The following SREBF2 variants were observed in gnomAD, a reference collection of about 807,000 sequenced individuals.
The protein encoded by SREBF2 is sterol regulatory element-binding protein 2.
A neutral mutation model predicts 113.1 loss-of-function variants in SREBF2; 55 were observed. The observed-to-expected ratio is 0.49, with a 90% CI of 0.39 to 0.61. SREBF2 has a LOEUF of 0.61. Among genes scored for constraint, SREBF2 ranks in the 20% least tolerant of loss-of-function variants. SREBF2 has a pLI of 0.00. For synonymous variants in SREBF2, 593 were observed against 605.7 expected, an observed-to-expected ratio of 0.98 and a Z score of 0.31; for missense variants, 1,349 against 1,487.4, an observed-to-expected ratio of 0.91 and a Z score of 1.53.
Position 41,867,316 on chromosome 22 carries a change from T to C in SREBF2, c.538+36T>C, listed in dbSNP as rs377586521. 3.7e-6 allele frequency: 6 copies of C among 1,609,348 alleles called. 1 individual carries two copies. Among genetic ancestry groups the C allele is most frequent in the Admixed American group, 1.7e-5 (1 of 60,000 alleles). On this transcript the variant is annotated intron_variant, in intron 2 of 18. Transcript: ENST00000361204. ...AGTTAGAATGGTAGTGGTTGGTTGG[T>C]TCCAATGTTTATGTGCCAGTTTGCA...
At chr22:41,840,631 G>T (rs924311372) in intron 1 of SREBF2, among the ~76,000 whole-genome samples, 1 of 152,178 alleles carries the variant, frequency 6.6e-6, no homozygotes, top group Non-Finnish European at 1.5e-5. Context: ...TTTTATGTCA[G>T]AATTTTGAAG....
intron 7 of SREBF2, 95 bp downstream of exon 7, chr22:41,875,819 T>C: frequency 7.3e-6 from 10 of 1,367,734 alleles, no homozygotes; most frequent in Non-Finnish European, 4.2e-6. Context: ...AGGCCGCATG[T>C]TAAGAGGGCC....
intron 3 of SREBF2, among the ~76,000 whole-genome samples, chr22:41,870,038 T>C (rs2077125314): frequency 6.6e-6 from 1 of 152,042 alleles, no homozygotes; most frequent in African/African-American, 2.4e-5. Flanking sequence ...GTATTTTTAG[T>C]AGAGACAGGG....
At chr22:41,900,031 G>A (rs576336922) in intron 15 of SREBF2, 1 of 1,324,268 alleles carries the variant, frequency 7.6e-7, no homozygotes, top group South Asian at 1.5e-5. Flanking sequence ...TAAGGAAACT[G>A]AGGCACACGT....
rs1308529611 is a variant in SREBF2 at position 41,870,956 on chromosome 22, G to C, written c.788G>C (p.Ser263Thr). Reference protein sequence around the residue: ...LVLTTLKTDGSPVMAAVQNPA... With the variant: ...LVLTTLKTDGTPVMAAVQNPA... ...TTGACCACACTGAAGACAGATGGCA[G>C]CCCTGTTATGGCTGCGGTCCAGAAC... The change falls in exon 4 of 19, where the codon AGC (serine) becomes ACC (threonine). Residue 263 changes from serine (S) to threonine (T), a missense_variant. Ser to Thr is a moderately conservative substitution (Grantham distance 58). This residue lies in a region of SREBF2 where 699 missense variants were observed against 843.3 expected (regional missense o/e 0.83). Coordinates refer to ENST00000361204, the MANE Select transcript of SREBF2 (RefSeq NM_004599.4). The C allele has an allele frequency of 5.0e-6, 8 of 1,614,008 alleles. No individual in the cohort carries two copies. The African/African-American group carries it at 1.1e-4, about 22-fold the overall frequency.
chr22:41,905,711 C>A lies in SREBF2; in HGVS notation c.*51C>A, dbSNP rs762059283. ...CCTCTCTCTCGATTTCTCTCTCTCC[C>A]CCTCAGCATCTTCCCGCTGAGAGTG... On this transcript the variant is annotated 3_prime_UTR_variant, in exon 19 of 19. Transcript: ENST00000361204. 2.6e-5 allele frequency: 40 copies of A among 1,518,402 alleles called. No individual in the cohort carries two copies. Among genetic ancestry groups the A allele is most frequent in the Admixed American group, 5.9e-5 (3 of 50,984 alleles). The allele number at this position is 1,518,402 out of a possible 1,614,324, so 94.1% of individuals were successfully genotyped here.
intron 1 of SREBF2, among the ~76,000 whole-genome samples, chr22:41,861,680 T>C (rs2077028471): frequency 6.6e-6 from 1 of 152,188 alleles, no homozygotes; most frequent in South Asian, 2.1e-4. Flanking sequence ...CCTAGCACTT[T>C]GAGAGGCCGA....
intron 13 of SREBF2, among the ~76,000 whole-genome samples, chr22:41,895,488 T>C (rs1296248887): frequency 2.3e-5 from 3 of 132,012 alleles, no homozygotes; most frequent in Non-Finnish European, 3.1e-5. Flanking sequence ...CAGGCTGGAG[T>C]GCAATGGACC....
At chr22:41,835,609 C>T (rs551949921) in intron 1 of SREBF2, among the ~76,000 whole-genome samples, 27 of 151,084 alleles carry the variant, frequency 1.8e-4, no homozygotes, top group African/African-American at 6.3e-4. Flanking sequence ...TGTACCTGGC[C>T]GAGCCACCGT....
Position 41,903,046 on chromosome 22 carries a change from A to G in SREBF2, c.2984A>G (p.Gln995Arg). 3 of 1,608,514 alleles carry G rather than the reference A, an allele frequency of 1.9e-6. No homozygotes were observed. Among genetic ancestry groups the G allele is most frequent in the South Asian group, 2.2e-5 (2 of 89,970 alleles). ...ALWQKQASASQAVGETYHASG... is the reference protein window; with the variant it reads ...ALWQKQASASRAVGETYHASG... ...TGGCAAAAACAGGCCAGTGCCAGCC[A>G]GGCTGTGGGGGAGACCTACCACGCG... The change falls in exon 17 of 19, where the codon CAG (glutamine) becomes CGG (arginine). Residue 995 changes from glutamine (Q) to arginine (R), a missense_variant. Transcript: ENST00000361204.
intron 9 of SREBF2, 87 bp from the exon 10 acceptor site, chr22:41,880,629 A>G: frequency 6.4e-7 from 1 of 1,553,864 alleles, no homozygotes; most frequent in Non-Finnish European, 8.9e-7. Flanking sequence ...TCCTCTGATA[A>G]TTGGGGGCAG....
intron 12 of SREBF2, among the ~76,000 whole-genome samples, chr22:41,893,521 C>T (rs1223472727): frequency 1.3e-5 from 2 of 152,140 alleles, no homozygotes; most frequent in Non-Finnish European, 2.9e-5. Context: ...CAGCTCTGCT[C>T]TCTCTAACAT....
rs1255166649 is a variant in SREBF2 at position 41,866,907 on chromosome 22, T to TGGCAGTGGTGGTAGTGGTAGC, written c.166_186dup (p.Gly56_Ser62dup). The TGGCAGTGGTGGTAGTGGTAGC allele has an allele frequency of 3.7e-6, 6 of 1,614,048 alleles. No individual in the cohort carries two copies. Among genetic ancestry groups the TGGCAGTGGTGGTAGTGGTAGC allele is most frequent in the Non-Finnish European group, 5.1e-6 (6 of 1,180,008 alleles). On this transcript the variant is annotated inframe_insertion, in exon 2 of 19. Coordinates refer to ENST00000361204, the MANE Select transcript of SREBF2 (RefSeq NM_004599.4). ...CAGAACAGCTGTGTAGCTCCTTTCC[T>TGGCAGTGGTGGTAGTGGTAGC]GGCAGTGGTGGTAGTGGTAGCAGCA...
chr22:41,844,770 T>A (rs2076861976), intron 1 of SREBF2, among the ~76,000 whole-genome samples: 1 of 152,146 alleles, frequency 6.6e-6, no homozygotes, highest in African/African-American at 2.4e-5. Context: ...TTTGCTAACC[T>A]GGTGTCTGCC....
chr22:41,893,426 G>C (rs552810951), intron 12 of SREBF2, 141 bp downstream of exon 12: 1 of 1,023,552 alleles, frequency 9.8e-7, no homozygotes, highest in African/African-American at 1.6e-5. Context: ...TTGTTTGTTT[G>C]TTTGAACCAA....
chr22:41,902,266 G>C (rs1298593737), intron 16 of SREBF2, among the ~76,000 whole-genome samples: 1 of 152,218 alleles, frequency 6.6e-6, no homozygotes, highest in Non-Finnish European at 1.5e-5. Context: ...CGGGTGGGCA[G>C]CCCAGCCCCA....
At chr22:41,891,963 G>A (rs1342867505) in intron 11 of SREBF2, among the ~76,000 whole-genome samples, 3 of 152,166 alleles carry the variant, frequency 2.0e-5, no homozygotes, top group Admixed American at 2.0e-4. Flanking sequence ...ATGTTATCCC[G>A]GCAAGTGGAG....
chr22:41,836,770 G>A (rs546583253), intron 1 of SREBF2, among the ~76,000 whole-genome samples: 1 of 152,270 alleles, frequency 6.6e-6, no homozygotes, highest in Non-Finnish European at 1.5e-5. Context: ...TCTAGGAGCC[G>A]GTCAGGTGAG....
chr22:41,857,914 C>G (rs2076992699), intron 1 of SREBF2, among the ~76,000 whole-genome samples: 1 of 152,200 alleles, frequency 6.6e-6, no homozygotes, highest in African/African-American at 2.4e-5. Flanking sequence ...AGTTCCTCAG[C>G]TGCTCCTCTG....
Sources: allele counts gnomAD v4.1 joint callset (sites outside exome capture counted in the v4.1 genomes callset), GRCh38; gene constraint gnomAD v4.1.1; regional missense constraint gnomAD v4.1.1; transcripts MANE v1.5; gene names NCBI Gene and HGNC (gene_info 2026-07-23, HGNC 2026-07-21).